The following EXOC2 variants were observed in gnomAD, a reference collection of about 807,000 sequenced individuals.
EXOC2 encodes exocyst complex component 2.
A neutral mutation model predicts 131.8 loss-of-function variants in EXOC2; 70 were observed. The ratio of observed to expected loss-of-function variants is 0.53; its 90% CI spans 0.44 to 0.65. The LOEUF is 0.65. EXOC2 is among the 30% of genes least tolerant of loss of function. EXOC2 has a pLI of 0.00. For missense variants in EXOC2, 923 were observed against 1,108.6 expected (o/e 0.83, Z 2.38); for synonymous variants, 411 against 398.4 (o/e 1.03, Z -0.38).
At chr6:517,972 A>T (rs1056462296) in intron 23 of EXOC2, among the ~76,000 whole-genome samples, 1 of 152,206 alleles carries the variant, frequency 6.6e-6, no homozygotes, top group African/African-American at 2.4e-5. Context: ...ACCAAAAGTG[A>T]CTCAAGAGAG....
chr6:554,737 A>C lies in EXOC2; in HGVS notation c.2054+490T>G, dbSNP rs551191533. 3.8e-4 allele frequency among the ~76,000 whole-genome samples: 57 copies of C among 151,954 alleles called. 1 individual carries two copies. The highest frequency in any genetic ancestry group is 9.7e-4 in the East Asian group (5 of 5,162). On this transcript the variant is annotated intron_variant, in intron 20 of 27. Transcript: ENST00000230449. ...AAAGAACGGATTTCTTAAAAAAAAA[A>C]CCAGCACTTTACAATGCTGTCCTAT...
intron 22 of EXOC2, among the ~76,000 whole-genome samples, chr6:540,652 A>C (rs1766759218): frequency 6.6e-6 from 1 of 152,186 alleles, no homozygotes; most frequent in Non-Finnish European, 1.5e-5. Flanking sequence ...AAAAAAGAAA[A>C]AAATTAAGAG....
At chr6:544,721 A>C (rs1470387514) in intron 22 of EXOC2, among the ~76,000 whole-genome samples, 1 of 152,242 alleles carries the variant, frequency 6.6e-6, no homozygotes, top group African/African-American at 2.4e-5. Context: ...AATACAGTAC[A>C]TGCAGTTAAA....
chr6:582,111 T>C (rs1328425629), intron 11 of EXOC2, among the ~76,000 whole-genome samples: 2 of 152,184 alleles, frequency 1.3e-5, no homozygotes, highest in Non-Finnish European at 2.9e-5. Context: ...AAGTAAACAA[T>C]CTTTGACAAT....
intron 1 of EXOC2, chr6:656,813 C>G: frequency 6.2e-7 from 1 of 1,608,746 alleles, no homozygotes; most frequent in Non-Finnish European, 8.5e-7. Flanking sequence ...CGCCGGAACC[C>G]GCGGGGCCGA....
At chr6:593,220 T>C (rs1759638677) in intron 10 of EXOC2, among the ~76,000 whole-genome samples, 2 of 152,204 alleles carry the variant, frequency 1.3e-5, no homozygotes, top group African/African-American at 2.4e-5. Flanking sequence ...TTCTACTTAG[T>C]TCAGAGTCAT....
intron 2 of EXOC2, among the ~76,000 whole-genome samples, chr6:635,337 C>T (rs1051325563): frequency 4.6e-5 from 7 of 152,186 alleles, no homozygotes; most frequent in Admixed American, 3.9e-4. Context: ...CACAAAAGTG[C>T]CCCTAGAACA....
At position 496,513 on chromosome 6, in the gene EXOC2, C is replaced by T. The variant is rs182349923; in HGVS notation, c.2559+854G>A. ...AGAGACTCCTCTATGGGATACCTCT[C>T]TCACCTAGCCGTAGTTGTGGCTGCT... On this transcript the variant is annotated intron_variant, in intron 25 of 27. Transcript: ENST00000230449. Among the ~76,000 whole-genome samples, 8 of 152,252 alleles carry T rather than the reference C, an allele frequency of 5.3e-5. No homozygotes were observed. The East Asian group carries it at 1.5e-3, about 29-fold the overall frequency.
intron 10 of EXOC2, among the ~76,000 whole-genome samples, chr6:593,029 C>CCAAACAAA (rs767324664): frequency 6.6e-6 from 1 of 151,856 alleles, no homozygotes; most frequent in Non-Finnish European, 1.5e-5. Flanking sequence ...GACGCCATCT[C>CCAAACAAA]CAAACAAACA....
At chr6:614,797 A>G (rs1443953946) in intron 6 of EXOC2, among the ~76,000 whole-genome samples, 1 of 152,198 alleles carries the variant, frequency 6.6e-6, no homozygotes, top group Non-Finnish European at 1.5e-5. Flanking sequence ...TGGACCCTGA[A>G]GAAACCACAT....
At chr6:529,908 C>T (rs78433258) in intron 23 of EXOC2, among the ~76,000 whole-genome samples, 2 of 152,186 alleles carry the variant, frequency 1.3e-5, no homozygotes, top group East Asian at 1.9e-4. Flanking sequence ...TAACTATTAC[C>T]GAAAAATGTA....
In EXOC2 at chr6:564,989, T is replaced by C. The variant is rs1462723896; in HGVS notation, c.1444-60A>G. 10 of 1,347,964 alleles carry C rather than the reference T, an allele frequency of 7.4e-6. No individual in the cohort carries two copies. The African/African-American group carries it at 1.3e-4, about 18-fold the overall frequency. The allele number at this position is 1,347,964 out of a possible 1,614,324, so 83.5% of individuals were successfully genotyped here. Reference sequence around the variant, plus strand: ...GAAATAATTTAAAAATAAGAAATGCTTTAGCACTTGTACATCAAGAGAACA... The same window carrying C: ...GAAATAATTTAAAAATAAGAAATGCCTTAGCACTTGTACATCAAGAGAACA... On this transcript the variant is annotated intron_variant, in intron 13 of 27. Transcript: ENST00000230449.
At chr6:544,275 T>C (rs1004229519) in intron 22 of EXOC2, among the ~76,000 whole-genome samples, 1 of 152,254 alleles carries the variant, frequency 6.6e-6, no homozygotes, top group Admixed American at 6.5e-5. Context: ...TCTCAGGTAC[T>C]TTCTGTATTG....
intron 1 of EXOC2, among the ~76,000 whole-genome samples, chr6:665,475 C>A (rs1763600322): frequency 6.6e-6 from 1 of 152,186 alleles, no homozygotes; most frequent in Non-Finnish European, 1.5e-5. Flanking sequence ...AAAAAAGATT[C>A]TTGCACATAC....
At chr6:500,148 T>A (rs1293978756) in intron 23 of EXOC2, among the ~76,000 whole-genome samples, 2 of 151,798 alleles carry the variant, frequency 1.3e-5, no homozygotes, top group African/African-American at 4.8e-5. Context: ...ATACAGAGGG[T>A]GTTTAACAAT....
At chr6:688,808 G>C (rs536804458) in intron 1 of EXOC2, among the ~76,000 whole-genome samples, 2 of 152,224 alleles carry the variant, frequency 1.3e-5, no homozygotes, top group Non-Finnish European at 2.9e-5. Context: ...TTCCTGCTGA[G>C]ACATACATCA....
Position 639,198 on chromosome 6 carries a change from G to T in EXOC2, c.-43-1337C>A, listed in dbSNP as rs1178024243. Among the ~76,000 whole-genome samples the T allele has an allele frequency of 2.6e-5, 4 of 152,156 alleles. 1 individual carries two copies. The highest frequency in any genetic ancestry group is 5.9e-5 in the Non-Finnish European group (4 of 68,028). On this transcript the variant is annotated intron_variant, in intron 1 of 27. Transcript: ENST00000230449. ...CACAGCAGAGGTGTGGGAAACTTGG[G>T]GGCAGGCTGACCAGGGATTTGGGGT...
intron 22 of EXOC2, among the ~76,000 whole-genome samples, chr6:536,744 A>C (rs1047983568): frequency 2.6e-5 from 4 of 152,216 alleles, no homozygotes; most frequent in Non-Finnish European, 4.4e-5. Context: ...TCTGGGAAAA[A>C]ATATTCAGGA....
chr6:499,574 C>T (rs1763927450), intron 24 of EXOC2, 71 bp downstream of exon 24: 2 of 1,354,936 alleles, frequency 1.5e-6, no homozygotes, highest in Non-Finnish European at 2.1e-6. Flanking sequence ...TAGAAATAAT[C>T]AAATTTACAT....
Sources: allele counts gnomAD v4.1 joint callset (sites outside exome capture counted in the v4.1 genomes callset), GRCh38; gene constraint gnomAD v4.1.1; transcripts MANE v1.5; gene names NCBI Gene and HGNC (gene_info 2026-07-23, HGNC 2026-07-21).